CFDP1: variants seen among roughly 807,000 people sequenced by gnomAD.
CFDP1 encodes chromatin remodeling protein CFDP1.
CFDP1 carries 31 observed loss-of-function variants against 40.1 expected under a neutral mutation model. The observed-to-expected ratio is 0.77, with a 90% CI of 0.58 to 1.04. The LOEUF (loss-of-function observed/expected upper bound fraction) is 1.04. Ranked by LOEUF, CFDP1 falls within the 50% of genes least tolerant of loss-of-function variation. The pLI is 0.00. For synonymous variants in CFDP1, 167 were observed against 120.0 expected, an observed-to-expected ratio of 1.39 and a Z score of -2.56; for missense variants, 423 against 343.4, an observed-to-expected ratio of 1.23 and a Z score of -1.83.
At chr16:75,431,454 C>CAAA (rs60902612) in intron 1 of CFDP1, among the ~76,000 whole-genome samples, 16,059 of 59,570 alleles carry the variant, frequency 0.27, 2,567 homozygotes, top group East Asian at 0.43. Context: ...ACTCTTGTCT[C>CAAA]AAAAAAAAAA....
In CFDP1 at chr16:75,433,402, T is replaced by A; in HGVS notation, c.-50A>T. The A allele has an allele frequency of 1.3e-6, 2 of 1,538,228 alleles. No individual in the cohort carries two copies. Among genetic ancestry groups the A allele is most frequent in the Non-Finnish European group, 1.8e-6 (2 of 1,135,826 alleles). On this transcript the variant is annotated 5_prime_UTR_variant, in exon 1 of 7. Transcript: ENST00000283882. ...AACTCACAAGACCGCAGCAGCCGCC[T>A]CCAACGGCAAAGCTCTAGGGAGAGA... is the stretch of plus-strand genomic sequence containing the variant.
chr16:75,359,933 T>C (rs1196586521), intron 5 of CFDP1, among the ~76,000 whole-genome samples: 1 of 152,170 alleles, frequency 6.6e-6, no homozygotes, highest in Non-Finnish European at 1.5e-5. Context: ...AAGCTGAAAA[T>C]GATCTGCTGA....
At chr16:75,376,316 T>C (rs1007411660) in intron 5 of CFDP1, among the ~76,000 whole-genome samples, 7 of 152,108 alleles carry the variant, frequency 4.6e-5, no homozygotes, top group African/African-American at 1.4e-4. Flanking sequence ...AATAAAAACA[T>C]ATGTCTTCAA....
At chr16:75,336,121 C>T (rs2078486195) in intron 5 of CFDP1, among the ~76,000 whole-genome samples, 1 of 152,190 alleles carries the variant, frequency 6.6e-6, no homozygotes, top group Non-Finnish European at 1.5e-5. Context: ...TCATCAGAAT[C>T]AGTATCACTT....
chr16:75,428,185 G>A (rs117980720), intron 1 of CFDP1, among the ~76,000 whole-genome samples: 2 of 151,616 alleles, frequency 1.3e-5, no homozygotes, highest in East Asian at 1.9e-4. Context: ...TTTTGGTGGA[G>A]GTTACACAAC....
At chr16:75,430,014 G>A (rs1191914852) in intron 1 of CFDP1, among the ~76,000 whole-genome samples, 1 of 152,098 alleles carries the variant, frequency 6.6e-6, no homozygotes, top group Non-Finnish European at 1.5e-5. Context: ...GAAATATACT[G>A]GTTTGGTCCA....
At chr16:75,378,708 T>A (rs957027283) in intron 5 of CFDP1, among the ~76,000 whole-genome samples, 2 of 151,994 alleles carry the variant, frequency 1.3e-5, no homozygotes, top group African/African-American at 4.8e-5. Context: ...TGCAAAGGGG[T>A]AGTAGTTAGA....
intron 5 of CFDP1, among the ~76,000 whole-genome samples, chr16:75,332,918 C>T (rs1465434671): frequency 1.3e-5 from 2 of 150,190 alleles, no homozygotes; most frequent in Admixed American, 1.3e-4. Context: ...AGTGATTCTC[C>T]TGCCTCAGTC....
chr16:75,432,891 T>C (rs1207991335), intron 1 of CFDP1, among the ~76,000 whole-genome samples: 2 of 143,386 alleles, frequency 1.4e-5, no homozygotes, highest in Non-Finnish European at 3.1e-5. Flanking sequence ...GACAGCTCTA[T>C]CTTGGACGGG....
chr16:75,422,253 C>A (rs1221554398), intron 1 of CFDP1, among the ~76,000 whole-genome samples: 3 of 152,018 alleles, frequency 2.0e-5, no homozygotes, highest in Admixed American at 6.6e-5. Flanking sequence ...CTTGCCACCA[C>A]ACCCGGCTAA....
chr16:75,392,454 T>C (rs924896650), intron 5 of CFDP1, among the ~76,000 whole-genome samples: 1 of 152,030 alleles, frequency 6.6e-6, no homozygotes, highest in Non-Finnish European at 1.5e-5. Flanking sequence ...TGTTACCAGG[T>C]ATAAGCATAT....
intron 6 of CFDP1, among the ~76,000 whole-genome samples, chr16:75,304,038 C>T (rs191337586): frequency 1.2e-4 from 17 of 137,472 alleles, no homozygotes; most frequent in African/African-American, 4.6e-4. Context: ...TTATGAACAC[C>T]TTTTCTTTCT....
intron 5 of CFDP1, among the ~76,000 whole-genome samples, chr16:75,364,312 C>T (rs934876660): frequency 7.2e-5 from 11 of 152,226 alleles, no homozygotes; most frequent in Non-Finnish European, 1.2e-4. Flanking sequence ...CTTTTAGCTA[C>T]CAAATTCCCC....
At chr16:75,400,102 AAAAAAAAAAAAAAAAAAAG>A (rs2079037450) in intron 4 of CFDP1, among the ~76,000 whole-genome samples, 1 of 75,540 alleles carries the variant, frequency 1.3e-5, no homozygotes, top group South Asian at 4.1e-4. Flanking sequence ...ACTCCATCTC[AAAAAAAAAAAAAAAAAAAG>A]GAAAAAAAAA....
intron 5 of CFDP1, among the ~76,000 whole-genome samples, chr16:75,359,878 C>A (rs1597353602): frequency 6.6e-6 from 1 of 152,126 alleles, no homozygotes; most frequent in African/African-American, 2.4e-5. Flanking sequence ...ATTTATTGTG[C>A]TATCAAACTT....
intron 1 of CFDP1, among the ~76,000 whole-genome samples, chr16:75,415,842 G>A (rs960931740): frequency 6.6e-6 from 1 of 152,150 alleles, no homozygotes; most frequent in Non-Finnish European, 1.5e-5. Flanking sequence ...TGATACTCCT[G>A]TGCATCCAAT....
chr16:75,423,443 G>T (rs972162210), intron 1 of CFDP1, among the ~76,000 whole-genome samples: 1 of 152,092 alleles, frequency 6.6e-6, no homozygotes, highest in African/African-American at 2.4e-5. Context: ...CGATTCTCGT[G>T]CCTCAGCCCA....
chr16:75,317,835 G>C (rs1413939959), intron 5 of CFDP1, among the ~76,000 whole-genome samples: 1 of 152,116 alleles, frequency 6.6e-6, no homozygotes, highest in East Asian at 1.9e-4. Flanking sequence ...ACCTGGCCAG[G>C]TGTGGTAGCT....
intron 1 of CFDP1, among the ~76,000 whole-genome samples, chr16:75,428,531 C>G (rs1448516772): frequency 6.6e-6 from 1 of 151,746 alleles, no homozygotes; most frequent in Non-Finnish European, 1.5e-5. Flanking sequence ...GCAGGGGAAT[C>G]GCTTGAACCC....
Sources: allele counts gnomAD v4.1 joint callset (sites outside exome capture counted in the v4.1 genomes callset), GRCh38; gene constraint gnomAD v4.1.1; transcripts MANE v1.5; gene names NCBI Gene and HGNC (gene_info 2026-07-23, HGNC 2026-07-21).